GPBP1: variants seen among roughly 807,000 people sequenced by gnomAD.
The protein encoded by GPBP1 is vasculin.
Under a neutral mutation model 56.5 loss-of-function variants are expected in GPBP1, and 13 were observed. The observed-to-expected ratio is 0.23, with a 90% CI of 0.15 to 0.37. The LOEUF (loss-of-function observed/expected upper bound fraction) is 0.37. Ranked by LOEUF, GPBP1 falls within the 10% of genes least tolerant of loss-of-function variation. The pLI, the probability that GPBP1 is intolerant of heterozygous loss-of-function variation, is 1.00. For synonymous variants in GPBP1, 204 were observed against 188.9 expected, an observed-to-expected ratio of 1.08 and a Z score of -0.66; for missense variants, 477 against 572.3, an observed-to-expected ratio of 0.83 and a Z score of 1.70.
intron 2 of GPBP1, among the ~76,000 whole-genome samples, chr5:57,177,601 G>C (rs988982585): frequency 3.4e-5 from 5 of 145,718 alleles, no homozygotes; most frequent in African/African-American, 1.3e-4. Context: ...AGCCTCCCAA[G>C]TAGCTGGGAT....
chr5:57,233,215 G>A (rs540432107), intron 5 of GPBP1, among the ~76,000 whole-genome samples: 1 of 152,156 alleles, frequency 6.6e-6, no homozygotes, highest in South Asian at 2.1e-4. Context: ...AAGTATTTTG[G>A]ATGGAAGGTT....
chr5:57,181,850 CTG>C (rs1184520315), intron 2 of GPBP1, among the ~76,000 whole-genome samples: 1 of 152,188 alleles, frequency 6.6e-6, no homozygotes, highest in African/African-American at 2.4e-5. Context: ...TACTGGTAAA[CTG>C]TTTTGTGGTT....
At chr5:57,221,353 C>T (rs1417556149) in intron 3 of GPBP1, 17 of 1,516,840 alleles carry the variant, frequency 1.1e-5, no homozygotes, top group Non-Finnish European at 1.4e-5. Context: ...CCAATTGTGA[C>T]TGATCTTATC....
rs960553682 is a variant in GPBP1 at position 57,264,076 on chromosome 5, T to C, written c.*1324T>C. 1 of 152,156 alleles carries C rather than the reference T, an allele frequency of 6.6e-6. No individual in the cohort carries two copies. Among genetic ancestry groups the C allele is most frequent in the South Asian group, 2.1e-4 (1 of 4,834 alleles). The allele number at this position is 152,156 out of a possible 1,614,324, so 9.4% of individuals were successfully genotyped here. ...TTTTGCTATTTCTGCATAAATACCC[T>C]ACCTGGACTCCCCAGTTTTCACCAG... is the stretch of plus-strand genomic sequence containing the variant. On this transcript the variant is annotated 3_prime_UTR_variant, in exon 12 of 12. Transcript: ENST00000506184.
chr5:57,184,865 T>C (rs1352861701), intron 2 of GPBP1, among the ~76,000 whole-genome samples: 2 of 152,258 alleles, frequency 1.3e-5, no homozygotes, highest in Non-Finnish European at 2.9e-5. Context: ...AAAGGAATTA[T>C]ACAGTGGATT....
intron 6 of GPBP1, among the ~76,000 whole-genome samples, chr5:57,243,572 C>T (rs1349278489): frequency 6.6e-6 from 1 of 151,870 alleles, no homozygotes; most frequent in African/African-American, 2.4e-5. Context: ...CAGAATATTT[C>T]TTACTCCTAG....
intron 2 of GPBP1, among the ~76,000 whole-genome samples, chr5:57,181,746 T>C (rs1754059520): frequency 6.6e-6 from 1 of 152,198 alleles, no homozygotes; most frequent in African/African-American, 2.4e-5. Flanking sequence ...CTGAGAATTC[T>C]TTGAAATTGA....
chr5:57,226,493 A>G (rs1290528516), intron 3 of GPBP1, among the ~76,000 whole-genome samples: 1 of 148,516 alleles, frequency 6.7e-6, no homozygotes, highest in Non-Finnish European at 1.5e-5. Context: ...CCAAGAATGT[A>G]TAGGGCTGAT....
intron 2 of GPBP1, among the ~76,000 whole-genome samples, chr5:57,197,771 C>G (rs1317192756): frequency 6.6e-6 from 1 of 151,278 alleles, no homozygotes; most frequent in African/African-American, 2.4e-5. Flanking sequence ...ATTTATCTTG[C>G]TAGTTATTTC....
Position 57,231,044 on chromosome 5 carries a change from A to G in GPBP1, c.188-54A>G. The stretch of plus-strand genomic sequence containing the variant: ...TTAAAGAATGTTTTGATGTGATTCA[A>G]TCTTTAAGCTTCTCTTCTTTGAATT... On this transcript the variant is annotated intron_variant, in intron 4 of 11. Transcript: ENST00000506184. The G allele has an allele frequency of 2.5e-6, 4 of 1,585,148 alleles. 1 individual carries two copies. Among genetic ancestry groups the G allele is most frequent in the African/African-American group, 2.7e-5 (2 of 73,510 alleles).
intron 10 of GPBP1, among the ~76,000 whole-genome samples, chr5:57,259,337 G>C (rs1263688158): frequency 6.6e-6 from 1 of 152,142 alleles, no homozygotes; most frequent in Non-Finnish European, 1.5e-5. Flanking sequence ...GTGAGACTCT[G>C]AAAAAAGGTC....
At chr5:57,186,324 T>C (rs145700210) in intron 2 of GPBP1, among the ~76,000 whole-genome samples, 255 of 151,834 alleles carry the variant, frequency 1.7e-3, no homozygotes, top group Middle Eastern at 3.4e-3. Flanking sequence ...AGTTCAAGGC[T>C]GTAGTGAGCT....
intron 2 of GPBP1, among the ~76,000 whole-genome samples, chr5:57,205,619 T>C (rs1438213721): frequency 4.6e-5 from 7 of 151,772 alleles, no homozygotes; most frequent in Non-Finnish European, 8.8e-5. Context: ...ATAGCCATTC[T>C]AGTGGGAGCG....
intron 3 of GPBP1, among the ~76,000 whole-genome samples, chr5:57,223,335 A>G (rs973873887): frequency 1.3e-5 from 2 of 151,860 alleles, no homozygotes; most frequent in African/African-American, 4.8e-5. Context: ...TGGTCCTCCT[A>G]CCTCAGCCTC....
At chr5:57,225,165 C>G (rs1413405329) in intron 3 of GPBP1, among the ~76,000 whole-genome samples, 1 of 151,916 alleles carries the variant, frequency 6.6e-6, no homozygotes, top group Non-Finnish European at 1.5e-5. Context: ...AGATAGAAAA[C>G]TGGTATTATT....
At chr5:57,177,172 C>T (rs376993914) in intron 2 of GPBP1, among the ~76,000 whole-genome samples, 2 of 151,596 alleles carry the variant, frequency 1.3e-5, no homozygotes, top group East Asian at 3.9e-4. Context: ...GTAAGCAAAG[C>T]TTTTTTTTAA....
chr5:57,174,700 T>C (rs1753719722), intron 1 of GPBP1, among the ~76,000 whole-genome samples: 1 of 152,228 alleles, frequency 6.6e-6, no homozygotes, highest in African/African-American at 2.4e-5. Context: ...GGGCGAAGGC[T>C]ACTTTGTTCC....
intron 6 of GPBP1, 80 bp downstream of exon 6, chr5:57,236,112 G>C: frequency 2.2e-6 from 2 of 906,104 alleles, no homozygotes; most frequent in South Asian, 1.4e-5. Context: ...TTTTAAAATA[G>C]AGAGCAGGCT....
At chr5:57,214,339 A>G (rs773689433) in intron 3 of GPBP1, 146 bp downstream of exon 3, 6 of 683,070 alleles carry the variant, frequency 8.8e-6, no homozygotes, top group African/African-American at 1.8e-5. Flanking sequence ...TAATCTCAGC[A>G]CTTTGGGAGG....
Sources: allele counts gnomAD v4.1 joint callset (sites outside exome capture counted in the v4.1 genomes callset), GRCh38; gene constraint gnomAD v4.1.1; transcripts MANE v1.5; gene names NCBI Gene and HGNC (gene_info 2026-07-23, HGNC 2026-07-21).